The following TMEM272 variants were observed in gnomAD, a reference collection of about 807,000 sequenced individuals.
TMEM272 encodes the protein long intergenic non-protein coding RNA 282.
Under a neutral mutation model 3.7 loss-of-function variants are expected in TMEM272, and 8 were observed. That is an observed-to-expected ratio of 2.17 (90% CI 1.27 to 3.91). The LOEUF is 3.91. Ranked by LOEUF, TMEM272 falls within the 30% of genes most tolerant of loss-of-function variation. The probability of loss-of-function intolerance (pLI) is 0.00; values close to 1 mark genes in which losing one functional copy is unlikely to be tolerated. For synonymous variants in TMEM272, 63 were observed against 39.8 expected (o/e 1.58, Z -2.20); for missense variants, 166 against 91.5 (o/e 1.81, Z -3.32).
the TMEM272 span, among the ~76,000 whole-genome samples, chr13:51,925,098 T>C: frequency 6.6e-6 from 1 of 152,204 alleles, no homozygotes. Flanking sequence ...CCTTTCTAAA[T>C]TTCTCTTGCA....
chr13:51,896,252 C>T, the TMEM272 span, among the ~76,000 whole-genome samples: 1 of 152,124 alleles, frequency 6.6e-6, no homozygotes, highest in African/African-American at 2.4e-5. Flanking sequence ...GCTGTGCCAT[C>T]GGGGACAGCT....
the TMEM272 span, among the ~76,000 whole-genome samples, chr13:51,925,451 T>G: frequency 6.6e-6 from 1 of 152,194 alleles, no homozygotes; most frequent in Non-Finnish European, 1.5e-5. Flanking sequence ...AATTAACTTT[T>G]TTCTTTCCTT....
chr13:51,900,005 T>A, the TMEM272 span, among the ~76,000 whole-genome samples: 1 of 152,180 alleles, frequency 6.6e-6, no homozygotes, highest in Admixed American at 6.5e-5. Context: ...TAACTCAATA[T>A]GGGTCATAGT....
chr13:51,924,250 C>T, the TMEM272 span, among the ~76,000 whole-genome samples: 1 of 152,070 alleles, frequency 6.6e-6, no homozygotes, highest in African/African-American at 2.4e-5. Flanking sequence ...AACAAAACAA[C>T]AACCAAAAAA....
upstream of TMEM272, among the ~76,000 whole-genome samples, chr13:51,849,123 A>C (rs1956319969): frequency 6.6e-6 from 1 of 152,308 alleles, no homozygotes; most frequent in African/African-American, 2.4e-5. Context: ...CAATTTAAGA[A>C]AAAGAGAAAC....
intron 1 of TMEM272, among the ~76,000 whole-genome samples, chr13:51,842,234 A>G (rs1431341425): frequency 6.6e-6 from 1 of 152,236 alleles, no homozygotes; most frequent in Non-Finnish European, 1.5e-5. Flanking sequence ...AGGCGTGGGT[A>G]GTATTTTCAT....
chr13:51,931,521 C>T, the TMEM272 span, among the ~76,000 whole-genome samples: 6 of 151,952 alleles, frequency 3.9e-5, no homozygotes, highest in Non-Finnish European at 7.4e-5. Flanking sequence ...GAAAGCATTA[C>T]GAGAAATACC....
the TMEM272 span, among the ~76,000 whole-genome samples, chr13:51,869,473 C>T: frequency 6.6e-6 from 1 of 151,644 alleles, no homozygotes; most frequent in African/African-American, 2.4e-5. Flanking sequence ...AGTTAAAAAA[C>T]CCAGTCCCAA....
At chr13:51,849,475 G>A (rs988405228), upstream of TMEM272, among the ~76,000 whole-genome samples, 3 of 152,234 alleles carry the variant, frequency 2.0e-5, no homozygotes, top group Non-Finnish European at 4.4e-5. Flanking sequence ...AAGATGTTGA[G>A]TTTTATGTTA....
At chr13:51,922,318 T>C in the TMEM272 span, among the ~76,000 whole-genome samples, 1 of 152,256 alleles carries the variant, frequency 6.6e-6, no homozygotes, top group East Asian at 1.9e-4. Context: ...CAGAGGCTTC[T>C]TCAGAGAAGT....
chr13:51,910,745 A>G, the TMEM272 span: 2 of 365,110 alleles, frequency 5.5e-6, no homozygotes, highest in East Asian at 1.4e-4. Flanking sequence ...GGAGCGGACC[A>G]CTGCGGAGTC....
the TMEM272 span, among the ~76,000 whole-genome samples, chr13:51,873,542 T>A: frequency 6.6e-6 from 1 of 152,246 alleles, no homozygotes; most frequent in East Asian, 1.9e-4. Context: ...CCGGAGGGCT[T>A]GTTAAACCAC....
the TMEM272 span, among the ~76,000 whole-genome samples, chr13:51,903,972 T>TGTGTGTGTGTGTGTGTGTGTGTGTGTG: frequency 5.3e-5 from 8 of 151,426 alleles, no homozygotes; most frequent in South Asian, 2.1e-4. Context: ...TGTGTGTGTG[T>TGTGTGTGTGTGTGTGTGTGTGTGTGTG]TTAGAAAGAA....
At chr13:51,820,042 C>T (rs1358523326) in intron 4 of TMEM272, among the ~76,000 whole-genome samples, 1 of 152,182 alleles carries the variant, frequency 6.6e-6, no homozygotes, top group Non-Finnish European at 1.5e-5. Context: ...ATAAATTACA[C>T]GGTCAACTCA....
chr13:51,882,516 C>T, the TMEM272 span, among the ~76,000 whole-genome samples: 1 of 152,126 alleles, frequency 6.6e-6, no homozygotes, highest in African/African-American at 2.4e-5. Flanking sequence ...GTCACAATAT[C>T]TCATAATCTA....
chr13:51,920,701 T>A, the TMEM272 span, among the ~76,000 whole-genome samples: 1 of 152,196 alleles, frequency 6.6e-6, no homozygotes, highest in Non-Finnish European at 1.5e-5. Flanking sequence ...CCTGCTGTCC[T>A]GCTACAGTGT....
At chr13:51,895,893 G>A in the TMEM272 span, among the ~76,000 whole-genome samples, 1 of 152,036 alleles carries the variant, frequency 6.6e-6, no homozygotes, top group South Asian at 2.1e-4. Flanking sequence ...GGATGCTCTT[G>A]CCATGGTCTT....
At chr13:51,830,343 T>G (rs1956162847) in intron 2 of TMEM272, among the ~76,000 whole-genome samples, 1 of 152,196 alleles carries the variant, frequency 6.6e-6, no homozygotes, top group African/African-American at 2.4e-5. Context: ...TCTTAATGAC[T>G]ACCTGGAGGA....
the TMEM272 span, among the ~76,000 whole-genome samples, chr13:51,925,376 G>C: frequency 2.6e-5 from 4 of 152,168 alleles, no homozygotes; most frequent in African/African-American, 9.7e-5. Flanking sequence ...CTGCCGGTGA[G>C]CACTTTCCAT....
Sources: gnomAD v4.1 joint callset for allele counts (sites outside exome capture counted in the v4.1 genomes callset) on GRCh38, gnomAD v4.1.1 for gene constraint, MANE v1.5 for transcripts, NCBI Gene and HGNC (gene_info 2026-07-23, HGNC 2026-07-21) for gene names.